The following NEIL1 variants were observed in gnomAD, a reference collection of about 807,000 sequenced individuals.
NEIL1 encodes the protein nei like DNA glycosylase 1.
In NEIL1, 31 loss-of-function variants were observed where a neutral mutation model predicts 44.2. The observed-to-expected ratio is 0.70, with a 90% CI of 0.53 to 0.95. The LOEUF (loss-of-function observed/expected upper bound fraction) is 0.95, where lower values mean the gene tolerates loss of function less well. Among genes scored for constraint, NEIL1 ranks in the 40% least tolerant of loss-of-function variants. The pLI is 0.00. For missense variants in NEIL1, 549 were observed against 515.5 expected (o/e 1.07, Z -0.63); for synonymous variants, 254 against 209.7 (o/e 1.21, Z -1.83).
At chr15:75,348,839 A>T in intron 1 of NEIL1, 45 bp from the exon 2 acceptor site, 2 of 1,570,728 alleles carry the variant, frequency 1.3e-6, no homozygotes, top group Non-Finnish European at 1.7e-6. Context: ...CCGCTACCTC[A>T]CAAAGTCCAC....
chr15:75,352,453 A>G, intron 4 of NEIL1, 66 bp downstream of exon 4: 1 of 1,596,060 alleles, frequency 6.3e-7, no homozygotes, highest in Admixed American at 1.7e-5. Flanking sequence ...CGGCAAGGAG[A>G]TGGGTGGGGT....
At chr15:75,354,876 C>T in intron 9 of NEIL1, 58 bp downstream of exon 9, 1 of 1,612,474 alleles carries the variant, frequency 6.2e-7, no homozygotes, top group Non-Finnish European at 8.5e-7. Context: ...GGGATGGTGG[C>T]CTAGGAGCGC....
chr15:75,353,779 T>C lies in NEIL1; in HGVS notation c.759T>C (p.Phe253=), dbSNP rs1347101682. 2 of 1,614,138 alleles carry C rather than the reference T, an allele frequency of 1.2e-6. No individual in the cohort carries two copies. ...GYGSESGEED[F]AAFRAWLRCY... is the part of the protein sequence containing the mutation. Reference sequence around the variant, plus strand: ...GGTCAGAGAGCGGGGAGGAGGACTTTGCTGCCTTTCGAGCCTGGCTGCGCT... The same window carrying C: ...GGTCAGAGAGCGGGGAGGAGGACTTCGCTGCCTTTCGAGCCTGGCTGCGCT... The change falls in exon 6 of 10, where the codon TTT becomes TTC. Residue 253 remains phenylalanine (F), a synonymous_variant. Transcript: ENST00000355059.
intron 1 of NEIL1, chr15:75,348,040 A>C (rs1404210394): frequency 9.1e-7 from 1 of 1,102,260 alleles, no homozygotes; most frequent in Non-Finnish European, 1.1e-6. Flanking sequence ...AGGAGTCGAT[A>C]CCCCCCACCC....
chr15:75,351,357 C>A (rs571093792), intron 2 of NEIL1: 2 of 423,856 alleles, frequency 4.7e-6, no homozygotes, highest in South Asian at 1.7e-5. Flanking sequence ...CTCATTGCAG[C>A]CTTAACCTCC....
chr15:75,356,161 C>T lies in NEIL1; in HGVS notation c.*1127C>T, dbSNP rs561303224. On this transcript the variant is annotated 3_prime_UTR_variant, in exon 10 of 10. Coordinates refer to ENST00000355059, the MANE Select transcript of NEIL1 (RefSeq NM_024608.4). The surrounding 1 kb of genome is among the most constrained non-coding windows in gnomAD (Gnocchi z 5.8). ...CAAGTGCAGCCAGCAGTCCACGTGG[C>T]TGCCGTGGGCCTCATACAGCCTCAG... 1.0e-4 allele frequency: 162 copies of T among 1,613,632 alleles called. 1 individual carries two copies. In the South Asian group the frequency reaches 1.7e-3, roughly 17 times the overall value.
rs1178146843 is a variant in NEIL1, at chr15:75,355,841, G to A, written c.*807G>A. The A allele has an allele frequency of 6.3e-7, 1 of 1,581,218 alleles. No homozygotes were observed. Among genetic ancestry groups the A allele is most frequent in the Non-Finnish European group, 8.6e-7 (1 of 1,156,080 alleles). On this transcript the variant is annotated 3_prime_UTR_variant, in exon 10 of 10. Transcript: ENST00000355059. The stretch of plus-strand genomic sequence containing the variant: ...CAAGAAAAGACTGATCCCTGCTTTA[G>A]GCTGGGGAAGCAGAAATTAGGAGTC...
intron 4 of NEIL1, 65 bp downstream of exon 4, chr15:75,352,452 G>A (rs1052892593): frequency 3.3e-5 from 52 of 1,597,200 alleles, no homozygotes; most frequent in East Asian, 1.1e-4. Context: ...CCGGCAAGGA[G>A]ATGGGTGGGG....
At chr15:75,354,108 C>T in intron 6 of NEIL1, 142 bp from the exon 7 acceptor site, 1 of 1,102,304 alleles carries the variant, frequency 9.1e-7, no homozygotes, top group Non-Finnish European at 1.3e-6. Context: ...GATGTGGACT[C>T]TAACATGGGG....
rs1160889722 is a variant in NEIL1, at chr15:75,355,132, A to C, written c.*98A>C. 1.0e-6 allele frequency: 1 copy of C among 981,676 alleles called. No individual in the cohort carries two copies. The highest frequency in any genetic ancestry group is 1.6e-6 in the Non-Finnish European group (1 of 641,978). The allele number at this position is 981,676 out of a possible 1,614,324, so 60.8% of individuals were successfully genotyped here. On this transcript the variant is annotated 3_prime_UTR_variant, in exon 10 of 10. Coordinates refer to ENST00000355059, the MANE Select transcript of NEIL1 (RefSeq NM_024608.4). ...GAGCAGGCAATATCTGAAGGTGCAA[A>C]CAGGCCCTACGGCTGTTCCCTGCAC... is the stretch of plus-strand genomic sequence containing the variant.
chr15:75,356,084 C>G lies in NEIL1; in HGVS notation c.*1050C>G, dbSNP rs200716401. On this transcript the variant is annotated 3_prime_UTR_variant, in exon 10 of 10. Transcript: ENST00000355059. The surrounding 1 kb of genome is among the most constrained non-coding windows in gnomAD (Gnocchi z 5.8). ...CTCTGCGAGGGCGAGACTCGACCCC[C>G]GCCCCAATCCCACACCGCCACTCAC... 1 of 1,613,494 alleles carries G rather than the reference C, an allele frequency of 6.2e-7. No homozygotes were observed. The highest frequency in any genetic ancestry group is 2.2e-5 in the East Asian group (1 of 44,858).
At chr15:75,347,723 A>T in intron 1 of NEIL1, 1 of 860,124 alleles carries the variant, frequency 1.2e-6, no homozygotes, top group Non-Finnish European at 1.5e-6. Flanking sequence ...TAAGGAGAAG[A>T]TGAGCTTTGG....
intron 1 of NEIL1, chr15:75,348,314 G>C: frequency 1.0e-6 from 1 of 986,014 alleles, no homozygotes; most frequent in Non-Finnish European, 1.2e-6. Flanking sequence ...GCCAGGCCGA[G>C]CTTCGCTCTT....
intron 2 of NEIL1, chr15:75,349,634 T>G: frequency 5.3e-6 from 2 of 380,064 alleles, no homozygotes; most frequent in South Asian, 4.1e-5. Context: ...GCCAGTATGG[T>G]GAAACCCTGT....
rs2072308117 is a variant in NEIL1 at position 75,356,566 on chromosome 15, T to C, written c.*1532T>C. 6.4e-7 allele frequency: 1 copy of C among 1,550,822 alleles called. No homozygotes were observed. The highest frequency in any genetic ancestry group is 1.2e-5 in the South Asian group (1 of 84,502). On this transcript the variant is annotated 3_prime_UTR_variant, in exon 10 of 10. Coordinates refer to ENST00000355059, the MANE Select transcript of NEIL1 (RefSeq NM_024608.4). The surrounding 1 kb of genome is among the most constrained non-coding windows in gnomAD (Gnocchi z 5.8). ...GGGCTCAGGGAAGGGCAGAGAGGTG[T>C]CTAGGGCTGCAGGAAGGCCCCACCG...
rs770274277 is a variant in NEIL1 at position 75,352,046 on chromosome 15, AG to A, written c.435-64del. The A allele has an allele frequency of 7.7e-6, 12 of 1,554,010 alleles. No homozygotes were observed. In the East Asian group the frequency reaches 2.0e-4, roughly 26 times the overall value. ...CTTGCACCCAGAAACAGGTTCTCTG[AG>A]CCCCTCTCCCCATCCCATGGAGGGT... On this transcript the variant is annotated intron_variant, in intron 2 of 9. Coordinates refer to ENST00000355059, the MANE Select transcript of NEIL1 (RefSeq NM_024608.4).
At position 75,356,975 on chromosome 15, in the gene NEIL1, T is replaced by C; in HGVS notation, c.*1941T>C. 1 of 1,252,968 alleles carries C rather than the reference T, an allele frequency of 8.0e-7. No homozygotes were observed. Among genetic ancestry groups the C allele is most frequent in the South Asian group, 1.2e-5 (1 of 80,488 alleles). The allele number at this position is 1,252,968 out of a possible 1,614,324, so 77.6% of individuals were successfully genotyped here. ...GTGCTCCCAGACTCCAGAGCTCCTG[T>C]CACTAGGCCGAGCACAAGCTCTAGA... On this transcript the variant is annotated 3_prime_UTR_variant, in exon 10 of 10. Transcript: ENST00000355059. This position sits in a 1 kb window ranked among gnomAD's most constrained non-coding sequence, Gnocchi z 5.8.
chr15:75,354,827 T>C lies in NEIL1; in HGVS notation c.1102+9T>C, dbSNP rs2141319384. 6.2e-7 allele frequency: 1 copy of C among 1,613,866 alleles called. No individual in the cohort carries two copies. Among genetic ancestry groups the C allele is most frequent in the Non-Finnish European group, 8.5e-7 (1 of 1,179,986 alleles). On this transcript the variant is annotated intron_variant, in intron 9 of 9. Coordinates refer to ENST00000355059, the MANE Select transcript of NEIL1 (RefSeq NM_024608.4). Reference sequence around the variant, plus strand: ...GCGACAGGCAGCCTCTGGTGGGCTTTCCTCATCACTCCCAGAAACTGGCTC... The same window carrying C: ...GCGACAGGCAGCCTCTGGTGGGCTTCCCTCATCACTCCCAGAAACTGGCTC...
In NEIL1 at chr15:75,356,699, G is replaced by A. The variant is rs1286813895; in HGVS notation, c.*1665G>A. On this transcript the variant is annotated 3_prime_UTR_variant, in exon 10 of 10. Transcript: ENST00000355059. The surrounding 1 kb of genome is among the most constrained non-coding windows in gnomAD (Gnocchi z 5.8). The stretch of plus-strand genomic sequence containing the variant: ...GGCGCCCGCAAGCTGGGGTGAGGAG[G>A]GCGCGTAGGGGCCACGCTGAAGCTG... The A allele has an allele frequency of 3.1e-6, 5 of 1,605,130 alleles. No homozygotes were observed. Among genetic ancestry groups the A allele is most frequent in the Non-Finnish European group, 4.3e-6 (5 of 1,176,236 alleles).
Sources: allele counts gnomAD v4.1 joint callset, GRCh38; gene constraint gnomAD v4.1.1; non-coding constraint Gnocchi (gnomAD v3.1); transcripts MANE v1.5; gene names NCBI Gene and HGNC (gene_info 2026-07-23, HGNC 2026-07-21).